Variants in NT5M observed in about 807,000 individuals in gnomAD.
NT5M encodes 5'(3')-deoxyribonucleotidase, mitochondrial.
NT5M carries 22 observed loss-of-function variants against 22.2 expected under a neutral mutation model. The observed-to-expected ratio is 0.99, with a 90% confidence interval of 0.71 to 1.41. NT5M has a LOEUF of 1.41. Ranked by LOEUF, NT5M falls within the 40% of genes most tolerant of loss-of-function variation. NT5M has a pLI of 0.00. For missense variants in NT5M, 322 were observed against 314.8 expected (o/e 1.02, Z -0.17); for synonymous variants, 167 against 133.0 (o/e 1.26, Z -1.76).
chr17:17,335,417 C>T (rs900331057), intron 3 of NT5M, among the ~76,000 whole-genome samples: 4 of 151,760 alleles, frequency 2.6e-5, no homozygotes, highest in African/African-American at 9.7e-5. Context: ...GCCACCATGC[C>T]CAGCTAATTT....
chr17:17,320,628 C>T (rs141709266), intron 2 of NT5M, among the ~76,000 whole-genome samples: 340 of 152,120 alleles, frequency 2.2e-3, no homozygotes, highest in African/African-American at 7.9e-3. Flanking sequence ...GTGTGTGAGG[C>T]GTCCAGGTGG....
intron 3 of NT5M, 140 bp from the exon 4 acceptor site, chr17:17,344,654 G>A (rs897395196): frequency 6.0e-6 from 6 of 992,018 alleles, no homozygotes; most frequent in African/African-American, 1.6e-5. Context: ...ACTGCCTGGC[G>A]CTGGGCCTTG....
chr17:17,330,742 CTTTT>C (rs58633073), intron 3 of NT5M, among the ~76,000 whole-genome samples: 1 of 118,718 alleles, frequency 8.4e-6, no homozygotes, highest in Non-Finnish European at 1.7e-5. Context: ...TTCTTTCTTT[CTTTT>C]TTTTTTTTTT....
intron 3 of NT5M, among the ~76,000 whole-genome samples, chr17:17,325,786 C>T (rs142634368): frequency 6.6e-6 from 1 of 152,240 alleles, no homozygotes; most frequent in Non-Finnish European, 1.5e-5. Flanking sequence ...GAATGTTCTC[C>T]TCCCACCCCT....
intron 3 of NT5M, among the ~76,000 whole-genome samples, chr17:17,340,596 G>T (rs888987597): frequency 6.6e-6 from 1 of 151,252 alleles, no homozygotes; most frequent in Admixed American, 6.6e-5. Flanking sequence ...GCACAATCTC[G>T]GCTCACTGCA....
chr17:17,323,054 T>C, intron 2 of NT5M, 131 bp from the exon 3 acceptor site: 1 of 784,252 alleles, frequency 1.3e-6, no homozygotes, highest in South Asian at 1.4e-5. Context: ...TACAGGGGAG[T>C]GGGTCTCCCA....
At position 17,323,200 on chromosome 17, in the gene NT5M, C is replaced by T; in HGVS notation, c.384C>T (p.Ile128=). 6.2e-7 allele frequency: 1 copy of T among 1,614,134 alleles called. No homozygotes were observed. ...TTGTTGACAGCACTGACGTCTTCAT[C>T]TGCACAAGCCCCATCAAGATGTTCA... ...MASLQNTDVF[I]CTSPIKMFKY... Residue 128 remains isoleucine, a synonymous_variant, in exon 3 of 5, where the codon ATC becomes ATT. Transcript: ENST00000389022.
chr17:17,303,765 G>C lies in NT5M; in HGVS notation c.215G>C (p.Arg72Pro). ...PDQPFIALEDRRGFWVSEQYG... is the reference protein window; with the variant it reads ...PDQPFIALEDPRGFWVSEQYG... The stretch of plus-strand genomic sequence containing the variant: ...CAGCCCTTCATCGCGCTGGAGGACC[G>C]GCGCGGCTTCTGGGTGTCGGAGCAG... Residue 72 changes from arginine (R) to proline (P), a missense_variant, in exon 1 of 5, where the codon CGG becomes CCG. Physicochemically the swap from Arg to Pro is moderately radical, Grantham distance 103. Coordinates refer to ENST00000389022, the MANE Select transcript of NT5M (RefSeq NM_020201.4). 6.3e-7 allele frequency: 1 copy of C among 1,584,448 alleles called. No individual in the cohort carries two copies. Among genetic ancestry groups the C allele is most frequent in the African/African-American group, 1.4e-5 (1 of 71,986 alleles).
chr17:17,335,442 G>GT (rs1208145686), intron 3 of NT5M, among the ~76,000 whole-genome samples: 3 of 151,834 alleles, frequency 2.0e-5, no homozygotes, highest in African/African-American at 7.3e-5. Context: ...AATACAAGTG[G>GT]TTTTTTAATT....
intron 4 of NT5M, chr17:17,345,386 A>AG (rs2049736358): frequency 3.9e-6 from 2 of 509,854 alleles, no homozygotes; most frequent in Non-Finnish European, 5.1e-6. Flanking sequence ...TAGAAAGGAG[A>AG]GGGAGATGGG....
intron 3 of NT5M, among the ~76,000 whole-genome samples, chr17:17,336,938 A>C (rs2049526680): frequency 6.6e-6 from 1 of 152,182 alleles, no homozygotes; most frequent in African/African-American, 2.4e-5. Flanking sequence ...GCTATTGTGA[A>C]TAGTGCTGCA....
intron 2 of NT5M, 46 bp downstream of exon 2, chr17:17,306,689 A>G (rs746175942): frequency 1.5e-6 from 2 of 1,311,090 alleles, no homozygotes; most frequent in East Asian, 2.3e-5. Context: ...CTGAGCAGCC[A>G]CTGAGCCCTG....
intron 2 of NT5M, among the ~76,000 whole-genome samples, chr17:17,320,528 A>G (rs1370115805): frequency 6.6e-6 from 1 of 152,204 alleles, no homozygotes; most frequent in African/African-American, 2.4e-5. Flanking sequence ...CTGTTTATCT[A>G]AAATAGACTA....
intron 3 of NT5M, 49 bp from the exon 4 acceptor site, chr17:17,344,745 T>C: frequency 6.2e-7 from 1 of 1,600,114 alleles, no homozygotes; most frequent in Non-Finnish European, 8.5e-7. Context: ...GGCTCCCAGG[T>C]CTGATGTCAC....
chr17:17,322,812 G>A (rs1286755286), intron 2 of NT5M, among the ~76,000 whole-genome samples: 3 of 152,222 alleles, frequency 2.0e-5, no homozygotes, highest in African/African-American at 7.2e-5. Flanking sequence ...TCAGGGACTC[G>A]ATCACTGCAG....
At chr17:17,341,904 G>A (rs542458276) in intron 3 of NT5M, among the ~76,000 whole-genome samples, 6 of 152,066 alleles carry the variant, frequency 3.9e-5, no homozygotes, top group East Asian at 1.9e-4. Flanking sequence ...GGTGGCAGGC[G>A]CCTGTGATCC....
In NT5M at chr17:17,347,475, A is replaced by G. The variant is rs189693728; in HGVS notation, c.*528A>G. ...CACATGACCTTCTGTGTATTCAGCA[A>G]ACACTCACTAGGTGACAGCGGCCAC... is the stretch of plus-strand genomic sequence containing the variant. On this transcript the variant is annotated 3_prime_UTR_variant, in exon 5 of 5. Transcript: ENST00000389022. The G allele has an allele frequency of 2.9e-3, 457 of 158,818 alleles. 2 individuals are homozygous for G. The highest frequency in any genetic ancestry group is 5.5e-3 in the Non-Finnish European group (399 of 72,312). 9.8% of individuals were successfully genotyped at this position (158,818 alleles called of 1,614,324 possible). A position where few individuals can be genotyped will look rare whatever the true frequency, so the allele number is the denominator to read the frequency against.
chr17:17,311,774 T>C (rs2048927387), intron 2 of NT5M, among the ~76,000 whole-genome samples: 1 of 152,268 alleles, frequency 6.6e-6, no homozygotes, highest in Non-Finnish European at 1.5e-5. Flanking sequence ...GTAATTTATC[T>C]TTGGATGTGA....
At chr17:17,346,674 G>T in intron 4 of NT5M, 131 bp from the exon 5 acceptor site, 1 of 1,054,132 alleles carries the variant, frequency 9.5e-7, no homozygotes, top group East Asian at 2.5e-5. Context: ...GGGTGTGCGT[G>T]CAGTCACCCC....
Sources: gnomAD v4.1 joint callset for allele counts (sites outside exome capture counted in the v4.1 genomes callset) on GRCh38, gnomAD v4.1.1 for gene constraint, MANE v1.5 for transcripts, NCBI Gene and HGNC (gene_info 2026-07-23, HGNC 2026-07-21) for gene names.